Variants in SGCZ observed in about 807,000 individuals in gnomAD.
SGCZ encodes sarcoglycan zeta.
In SGCZ, 40 loss-of-function variants were observed where a neutral mutation model predicts 41.3. The ratio of observed to expected loss-of-function variants is 0.97; its 90% CI spans 0.75 to 1.26. The LOEUF (loss-of-function observed/expected upper bound fraction) is 1.26, where lower values mean the gene tolerates loss of function less well. SGCZ is among the 50% of genes most tolerant of loss of function. The pLI, the probability that SGCZ is intolerant of heterozygous loss-of-function variation, is 0.00. For synonymous variants in SGCZ, 206 were observed against 137.5 expected (o/e 1.50, Z -3.49); for missense variants, 552 against 369.8 (o/e 1.49, Z -4.04).
intron 1 of SGCZ, among the ~76,000 whole-genome samples, chr8:15,056,989 T>C (rs983114368): frequency 2.0e-5 from 3 of 152,116 alleles, no homozygotes; most frequent in Non-Finnish European, 2.9e-5. Flanking sequence ...CTCTGCCAGA[T>C]TGCGTGCACG....
chr8:14,677,670 C>T lies in SGCZ; in HGVS notation c.40-122744G>A, dbSNP rs550622745. On this transcript the variant is annotated intron_variant, in intron 1 of 7. Transcript: ENST00000382080. ...CCTGTAATACAAGCTACTCAGGAGG[C>T]TGAGGCAAGAGAATCGCTTGAACCT... is the stretch of plus-strand genomic sequence containing the variant. 2.6e-5 allele frequency among the ~76,000 whole-genome samples: 4 copies of T among 152,210 alleles called. No homozygotes were observed. The East Asian group carries it at 5.8e-4, about 22-fold the overall frequency.
chr8:14,799,942 A>C (rs1230788294), intron 1 of SGCZ, among the ~76,000 whole-genome samples: 2 of 152,340 alleles, frequency 1.3e-5, no homozygotes, highest in Non-Finnish European at 2.9e-5. Flanking sequence ...AAGTATTATA[A>C]ACAGAGGTAT....
At chr8:14,493,750 G>A (rs923723397) in intron 2 of SGCZ, among the ~76,000 whole-genome samples, 2 of 151,982 alleles carry the variant, frequency 1.3e-5, no homozygotes, top group African/African-American at 4.8e-5. Context: ...GCCTTACCTG[G>A]AATCCCTAAA....
chr8:14,121,952 T>C (rs931825376), intron 5 of SGCZ, among the ~76,000 whole-genome samples: 3 of 152,200 alleles, frequency 2.0e-5, no homozygotes, highest in Non-Finnish European at 4.4e-5. Context: ...ACCTCACAGT[T>C]GCTTAGCATT....
intron 2 of SGCZ, among the ~76,000 whole-genome samples, chr8:14,372,348 T>C (rs2117164856): frequency 6.6e-6 from 1 of 152,294 alleles, no homozygotes; most frequent in South Asian, 2.1e-4. Context: ...AGAAAAATAA[T>C]TCCATCATTC....
intron 3 of SGCZ, among the ~76,000 whole-genome samples, chr8:14,246,436 G>C (rs1221877960): frequency 6.6e-6 from 1 of 151,848 alleles, no homozygotes; most frequent in African/African-American, 2.4e-5. Flanking sequence ...TGACACTCTG[G>C]GGACTGTTGT....
intron 3 of SGCZ, among the ~76,000 whole-genome samples, chr8:14,268,387 A>T (rs1457750980): frequency 2.6e-5 from 4 of 151,040 alleles, no homozygotes; most frequent in African/African-American, 9.7e-5. Context: ...CAGTGTCTTT[A>T]ACATTGCTTC....
chr8:14,327,652 T>G (rs1585368474), intron 2 of SGCZ, among the ~76,000 whole-genome samples: 1 of 152,216 alleles, frequency 6.6e-6, no homozygotes, highest in Admixed American at 6.5e-5. Flanking sequence ...ATCTTTGATT[T>G]TGGAGTTTTC....
At chr8:14,223,213 T>C (rs563661445) in intron 4 of SGCZ, among the ~76,000 whole-genome samples, 2 of 152,162 alleles carry the variant, frequency 1.3e-5, no homozygotes, top group Non-Finnish European at 2.9e-5. Context: ...TGATTTTCAA[T>C]ACCTATACTA....
intron 1 of SGCZ, among the ~76,000 whole-genome samples, chr8:15,203,105 G>T (rs1182699192): frequency 6.6e-6 from 1 of 151,678 alleles, no homozygotes; most frequent in East Asian, 1.9e-4. Flanking sequence ...ACAAGACTCA[G>T]TCTCAAAAAA....
At chr8:14,528,249 G>T (rs902150209) in intron 2 of SGCZ, among the ~76,000 whole-genome samples, 2 of 152,108 alleles carry the variant, frequency 1.3e-5, no homozygotes, top group Admixed American at 1.3e-4. Context: ...GGGAAAGAAG[G>T]CAGTATCAAT....
chr8:14,645,464 TTA>T (rs879502988), intron 1 of SGCZ, among the ~76,000 whole-genome samples: 15 of 105,202 alleles, frequency 1.4e-4, no homozygotes, highest in African/African-American at 4.5e-4. Flanking sequence ...GTATCATTGA[TTA>T]TATATATATA....
chr8:14,863,366 C>T (rs1406011317), intron 1 of SGCZ, among the ~76,000 whole-genome samples: 2 of 151,868 alleles, frequency 1.3e-5, no homozygotes, highest in East Asian at 1.9e-4. Context: ...TCTCTGTCAC[C>T]CAGGCTGGAG....
chr8:14,897,164 A>G (rs1805232124), intron 1 of SGCZ, among the ~76,000 whole-genome samples: 1 of 152,074 alleles, frequency 6.6e-6, no homozygotes, highest in African/African-American at 2.4e-5. Context: ...AGTGTTATTA[A>G]AAGAAATAAA....
rs1010443689 is a variant in SGCZ, at chr8:15,081,396, T to C, written c.39+156189A>G. On this transcript the variant is annotated intron_variant, in intron 1 of 7. Coordinates refer to ENST00000382080, the MANE Select transcript of SGCZ (RefSeq NM_139167.4). ...TGTTTTAACGTTTTAAATGTTTTTA[T>C]CTTAAAGAAACCTAGTTTATGACAG... is the stretch of plus-strand genomic sequence containing the variant. Among the ~76,000 whole-genome samples, 3 of 152,188 alleles carry C rather than the reference T, an allele frequency of 2.0e-5. No individual in the cohort carries two copies. The East Asian group carries it at 5.8e-4, about 29-fold the overall frequency.
chr8:14,863,921 GAAATGACCAGA>G (rs1465475610), intron 1 of SGCZ, among the ~76,000 whole-genome samples: 4 of 152,134 alleles, frequency 2.6e-5, no homozygotes, highest in African/African-American at 9.7e-5. Context: ...TTGCATGGAA[GAAATGACCAGA>G]ACTTTGTTCG....
intron 2 of SGCZ, among the ~76,000 whole-genome samples, chr8:14,363,280 A>T (rs1803592204): frequency 6.6e-6 from 1 of 152,178 alleles, no homozygotes; most frequent in Admixed American, 6.5e-5. Context: ...TGGCAGTCAT[A>T]TACTCTGTGA....
intron 1 of SGCZ, among the ~76,000 whole-genome samples, chr8:14,981,735 T>C (rs1801668783): frequency 1.3e-5 from 2 of 152,202 alleles, no homozygotes; most frequent in South Asian, 2.1e-4. Context: ...TGACAATTAA[T>C]AGCTCCGCTT....
rs551825483 is a variant in SGCZ, at chr8:14,311,341, C to A, written c.336+12762G>T. Among the ~76,000 whole-genome samples the A allele has an allele frequency of 2.0e-5, 3 of 152,170 alleles. No individual in the cohort carries two copies. In the East Asian group the frequency reaches 5.8e-4, roughly 29 times the overall value. ...CCATAGTTCCACAGTCATAAAAAAA[C>A]ATAGAACAATATCATTCTGCAGCTG... On this transcript the variant is annotated intron_variant, in intron 3 of 7. Coordinates refer to ENST00000382080, the MANE Select transcript of SGCZ (RefSeq NM_139167.4).
Sources: gnomAD v4.1 joint callset for allele counts (sites outside exome capture counted in the v4.1 genomes callset) on GRCh38, gnomAD v4.1.1 for gene constraint, MANE v1.5 for transcripts, NCBI Gene and HGNC (gene_info 2026-07-23, HGNC 2026-07-21) for gene names.